TCF12: variants seen among roughly 807,000 people sequenced by gnomAD.
TCF12 encodes the protein DNA-binding protein HTF4.
A neutral mutation model predicts 86.0 loss-of-function variants in TCF12; 45 were observed. The observed-to-expected ratio is 0.52, with a 90% CI of 0.41 to 0.67. The LOEUF (loss-of-function observed/expected upper bound fraction) is 0.67. Among genes scored for constraint, TCF12 ranks in the 30% least tolerant of loss-of-function variants. TCF12 has a pLI of 0.00. For synonymous variants in TCF12, 330 were observed against 299.6 expected (o/e 1.10, Z -1.05); for missense variants, 881 against 859.9 (o/e 1.02, Z -0.31).
At chr15:57,094,564 T>A (rs2049193508) in intron 5 of TCF12, among the ~76,000 whole-genome samples, 1 of 152,234 alleles carries the variant, frequency 6.6e-6, no homozygotes, top group African/African-American at 2.4e-5. Context: ...TCTGGCCGTT[T>A]GTTAATTTAA....
chr15:56,998,216 G>A (rs2063813937), intron 3 of TCF12, among the ~76,000 whole-genome samples: 1 of 152,124 alleles, frequency 6.6e-6, no homozygotes. Flanking sequence ...CAGCACTTTG[G>A]GAGGCCTAGG....
intron 5 of TCF12, among the ~76,000 whole-genome samples, chr15:57,119,317 G>A (rs762905501): frequency 6.0e-5 from 9 of 150,840 alleles, no homozygotes; most frequent in African/African-American, 9.8e-5. Flanking sequence ...GCAGCAGGTC[G>A]GTGGGTGGGC....
chr15:57,138,248 G>C (rs374034155), intron 5 of TCF12, among the ~76,000 whole-genome samples: 1 of 152,116 alleles, frequency 6.6e-6, no homozygotes, highest in Non-Finnish European at 1.5e-5. Context: ...TGACACTTCA[G>C]CGTTAACTAA....
intron 5 of TCF12, among the ~76,000 whole-genome samples, chr15:57,106,252 A>G (rs114668480): frequency 0.012 from 1,776 of 152,344 alleles, 34 homozygotes; most frequent in African/African-American, 0.04. Context: ...AAATTCTAAT[A>G]AAGTCTTGAG....
intron 3 of TCF12, among the ~76,000 whole-genome samples, chr15:56,990,496 T>C (rs781747799): frequency 2.0e-5 from 3 of 152,168 alleles, no homozygotes; most frequent in Non-Finnish European, 2.9e-5. Flanking sequence ...GTGGTGCTTA[T>C]ATTTTACAGG....
intron 19 of TCF12, chr15:57,282,127 T>C: frequency 2.7e-6 from 1 of 368,010 alleles, no homozygotes; most frequent in African/African-American, 2.1e-5. Context: ...AGTAGGACAT[T>C]GAAGAGACTT....
chr15:57,013,879 T>G (rs1195352760), intron 3 of TCF12, among the ~76,000 whole-genome samples: 3 of 152,246 alleles, frequency 2.0e-5, no homozygotes, highest in Non-Finnish European at 4.4e-5. Context: ...ATTGCTCTTT[T>G]AAATGTATCC....
chr15:57,043,012 T>A (rs1424039940), intron 3 of TCF12, among the ~76,000 whole-genome samples: 1 of 152,222 alleles, frequency 6.6e-6, no homozygotes, highest in Non-Finnish European at 1.5e-5. Context: ...TTTGTCCTTT[T>A]GTGACTGGCT....
chr15:56,919,794 C>G, intron 1 of TCF12, 98 bp from the exon 2 acceptor site: 2 of 1,094,666 alleles, frequency 1.8e-6, no homozygotes, highest in South Asian at 1.4e-5. Flanking sequence ...CCCGGCGCCC[C>G]CAGCGCTCTT....
chr15:56,997,976 A>G (rs1341263859), intron 3 of TCF12, among the ~76,000 whole-genome samples: 1 of 152,236 alleles, frequency 6.6e-6, no homozygotes, highest in Non-Finnish European at 1.5e-5. Context: ...AACATTACAT[A>G]TTGATAAAAG....
At chr15:56,962,832 G>A (rs181219580) in intron 3 of TCF12, among the ~76,000 whole-genome samples, 2 of 152,110 alleles carry the variant, frequency 1.3e-5, no homozygotes, top group African/African-American at 2.4e-5. Context: ...AATTCAGTTC[G>A]GTGAGAACAC....
chr15:57,226,873 A>G (rs755583961), intron 8 of TCF12, among the ~76,000 whole-genome samples: 4 of 152,174 alleles, frequency 2.6e-5, no homozygotes, highest in Non-Finnish European at 5.9e-5. Flanking sequence ...CAGTTTCTCA[A>G]TTGCACTATC....
At chr15:57,202,922 C>G (rs1305489376) in intron 8 of TCF12, among the ~76,000 whole-genome samples, 1 of 152,114 alleles carries the variant, frequency 6.6e-6, no homozygotes, top group African/African-American at 2.4e-5. Flanking sequence ...CTAGCTAGTT[C>G]ATACCACTAC....
chr15:57,021,250 C>G (rs893421474), intron 3 of TCF12, among the ~76,000 whole-genome samples: 20 of 152,174 alleles, frequency 1.3e-4, no homozygotes, highest in Non-Finnish European at 2.6e-4. Context: ...TGGGGCAGAA[C>G]GTTGATCGTG....
chr15:57,047,916 A>G (rs920317108), intron 3 of TCF12, among the ~76,000 whole-genome samples: 13 of 152,238 alleles, frequency 8.5e-5, no homozygotes, highest in Admixed American at 2.6e-4. Flanking sequence ...TTCTTAGACT[A>G]CAAACCAGTA....
At chr15:57,032,645 A>C (rs1381341927) in intron 3 of TCF12, among the ~76,000 whole-genome samples, 1 of 152,110 alleles carries the variant, frequency 6.6e-6, no homozygotes, top group Admixed American at 6.5e-5. Flanking sequence ...AGGTCTCACT[A>C]TGTTGCCCAG....
intron 7 of TCF12, among the ~76,000 whole-genome samples, chr15:57,197,528 C>A (rs1326748651): frequency 1.3e-5 from 2 of 152,070 alleles, no homozygotes; most frequent in African/African-American, 4.8e-5. Context: ...TGTATTGGTT[C>A]ATTTGCTGTC....
intron 3 of TCF12, among the ~76,000 whole-genome samples, chr15:57,036,560 A>G (rs545306340): frequency 3.3e-5 from 5 of 152,266 alleles, no homozygotes; most frequent in Admixed American, 1.3e-4. Flanking sequence ...GTGAAATGGT[A>G]TCTCATTGTG....
chr15:57,072,823 G>A (rs1389596602), intron 4 of TCF12: 4 of 707,770 alleles, frequency 5.7e-6, no homozygotes, highest in Non-Finnish European at 3.8e-6. Flanking sequence ...GTAAGAAAAA[G>A]GGTGTGTTTT....
Sources: allele counts gnomAD v4.1 joint callset (sites outside exome capture counted in the v4.1 genomes callset), GRCh38; gene constraint gnomAD v4.1.1; transcripts MANE v1.5; gene names NCBI Gene and HGNC (gene_info 2026-07-23, HGNC 2026-07-21).